The following SYMPK variants were observed in gnomAD, a reference collection of about 807,000 sequenced individuals.
SYMPK encodes symplekin scaffold protein.
A neutral mutation model predicts 136.4 loss-of-function variants in SYMPK; 49 were observed. The ratio of observed to expected loss-of-function variants is 0.36; its 90% CI spans 0.29 to 0.46. SYMPK has a LOEUF of 0.46. SYMPK is among the 20% of genes least tolerant of loss of function. SYMPK has a pLI of 1.00. For missense variants in SYMPK, 1,365 were observed against 1,690.0 expected, an observed-to-expected ratio of 0.81 and a Z score of 3.37; for synonymous variants, 766 against 713.0, an observed-to-expected ratio of 1.07 and a Z score of -1.19.
chr19:45,818,385 A>C (rs541226081), intron 22 of SYMPK, among the ~76,000 whole-genome samples: 1 of 152,306 alleles, frequency 6.6e-6, no homozygotes, highest in East Asian at 1.9e-4. Flanking sequence ...GGAAGCCCCA[A>C]AATGGGTGGA....
intron 1 of SYMPK, among the ~76,000 whole-genome samples, chr19:45,861,075 G>C (rs1159337014): frequency 6.6e-6 from 1 of 152,116 alleles, no homozygotes; most frequent in Non-Finnish European, 1.5e-5. Flanking sequence ...AACCGGCATG[G>C]CATGCCGTCC....
At chr19:45,838,658 C>A in intron 9 of SYMPK, 43 bp from the exon 10 acceptor site, 2 of 1,583,758 alleles carry the variant, frequency 1.3e-6, no homozygotes, top group Non-Finnish European at 1.7e-6. Context: ...ATAGAGAGAG[C>A]TGCAGGCCCT....
chr19:45,823,267 G>A lies in SYMPK; in HGVS notation c.2700+105C>T, dbSNP rs1305284421. ...ACAGGCAAGGTGCCTTCTGCCCTCTGCTATGTGCCTCTGGCTCAACTGCTG... is the reference window on the plus strand; with the variant it reads ...ACAGGCAAGGTGCCTTCTGCCCTCTACTATGTGCCTCTGGCTCAACTGCTG... On this transcript the variant is annotated intron_variant, in intron 20 of 26. Coordinates refer to ENST00000245934, the MANE Select transcript of SYMPK (RefSeq NM_004819.3). The A allele has an allele frequency of 1.0e-5, 12 of 1,158,638 alleles. No individual in the cohort carries two copies. The South Asian group carries it at 1.3e-4, about 12-fold the overall frequency. 71.8% of individuals were successfully genotyped at this position (1,158,638 alleles called of 1,614,324 possible).
At chr19:45,834,287 C>CA (rs1041025819) in intron 11 of SYMPK, among the ~76,000 whole-genome samples, 7 of 150,726 alleles carry the variant, frequency 4.6e-5, no homozygotes, top group Admixed American at 4.6e-4. Context: ...GACTGTGTCT[C>CA]AAAAAACAAA....
At chr19:45,834,540 G>T (rs1971259831) in intron 11 of SYMPK, among the ~76,000 whole-genome samples, 1 of 151,080 alleles carries the variant, frequency 6.6e-6, no homozygotes, top group Non-Finnish European at 1.5e-5. Flanking sequence ...AAACATAAAT[G>T]AATTTCATGT....
At chr19:45,842,618 A>G in intron 8 of SYMPK, 129 bp from the exon 9 acceptor site, 6 of 1,342,238 alleles carry the variant, frequency 4.5e-6, no homozygotes, top group Non-Finnish European at 6.1e-6. Flanking sequence ...TCACCCTCAG[A>G]TCTAACGTGT....
In SYMPK at chr19:45,816,527, C is replaced by A; in HGVS notation, c.3309G>T (p.Lys1103Asn). 1.2e-6 allele frequency: 2 copies of A among 1,613,740 alleles called. No individual in the cohort carries two copies. Among genetic ancestry groups the A allele is most frequent in the South Asian group, 2.2e-5 (2 of 91,080 alleles). ...GCGCCTCCTTGGCCTCTGGCTCCTG[C>A]TTGCCGCTGGCCTCCAAGATGGTCA... ...SIMTILEASGKQEPEAKEAPA... is the reference protein window; with the variant it reads ...SIMTILEASGNQEPEAKEAPA... The change falls in exon 25 of 27, where the codon AAG becomes AAT. Residue 1103 changes from lysine to asparagine, a missense_variant. Transcript: ENST00000245934.
intron 1 of SYMPK, among the ~76,000 whole-genome samples, chr19:45,857,283 G>A (rs375873742): frequency 1.3e-5 from 2 of 148,960 alleles, no homozygotes; most frequent in South Asian, 2.2e-4. Flanking sequence ...GGTGGCGGGC[G>A]CCTGTATTCC....
At position 45,816,062 on chromosome 19, in the gene SYMPK, A is replaced by G; in HGVS notation, c.3476T>C (p.Leu1159Pro). Residue 1159 changes from leucine to proline, a missense_variant, in exon 26 of 27, where the codon CTG becomes CCG. Leu to Pro is a moderately conservative substitution (Grantham distance 98). Around this residue, in one of 11 missense-constraint regions of SYMPK, gnomAD observed 341 missense variants for 270.5 expected, o/e 1.26. Transcript: ENST00000245934. ...GGGGGCTCCCACTCCTCCCGGCTTC[A>G]GCTTCTGTTCCTCCTCCAGCTGCCG... Reference protein sequence around the residue: ...LKRQLEEEQKLKPGGVGAPSS... With the variant: ...LKRQLEEEQKPKPGGVGAPSS... 1 of 1,563,210 alleles carries G rather than the reference A, an allele frequency of 6.4e-7. No individual in the cohort carries two copies.
At chr19:45,817,870 C>T (rs2146297446) in intron 23 of SYMPK, 89 bp downstream of exon 23, 1 of 1,360,628 alleles carries the variant, frequency 7.3e-7, no homozygotes, top group East Asian at 2.5e-5. Context: ...CACCGGGCTC[C>T]CTCCGGGGTC....
At position 45,827,578 on chromosome 19, in the gene SYMPK, T is replaced by G. The variant is rs1166402265; in HGVS notation, c.2113A>C (p.Lys705Gln). The change falls in exon 16 of 27, where the codon AAG becomes CAG. Residue 705 changes from lysine (K) to glutamine (Q), a missense_variant. By Grantham distance (53) the Lys-to-Gln change is moderately conservative (BLOSUM62 1). Around this residue, in one of 11 missense-constraint regions of SYMPK, gnomAD observed 303 missense variants for 326.6 expected, o/e 0.93. Coordinates refer to ENST00000245934, the MANE Select transcript of SYMPK (RefSeq NM_004819.3). ...GMSTLRDLIF[K>Q]RPSRQFQYLH... ...TACTGGAACTGGCGGGACGGGCGCT[T>G]GAAGATCAGGTCTCGAAGTGTGGAC... The G allele has an allele frequency of 1.9e-6, 3 of 1,614,042 alleles. No individual in the cohort carries two copies. The Admixed American group carries it at 5.0e-5, about 27-fold the overall frequency.
intron 1 of SYMPK, chr19:45,854,875 C>CTTTTTTT: frequency 1.2e-5 from 2 of 167,640 alleles, no homozygotes; most frequent in South Asian, 1.2e-4. Flanking sequence ...CCACAGCAAA[C>CTTTTTTT]TTTCTTTTTT....
chr19:45,823,906 A>G, intron 18 of SYMPK, 31 bp from the exon 19 acceptor site: 1 of 1,570,652 alleles, frequency 6.4e-7, no homozygotes, highest in Non-Finnish European at 8.7e-7. Flanking sequence ...GACCAGACCC[A>G]GGGTGAGAGC....
rs1480475313 is a variant in SYMPK, at chr19:45,821,294, G to T, written c.2893+90C>A. On this transcript the variant is annotated intron_variant, in intron 22 of 26. Coordinates refer to ENST00000245934, the MANE Select transcript of SYMPK (RefSeq NM_004819.3). The surrounding 1 kb of genome is among the most constrained non-coding windows in gnomAD (Gnocchi z 4.4). ...GGCTGTGAGTGACAGTCTTTGACTT[G>T]GCAGATTCCAGTGGGGGCATGTGGG... 2.1e-6 allele frequency: 2 copies of T among 968,208 alleles called. No individual in the cohort carries two copies. The highest frequency in any genetic ancestry group is 1.7e-6 in the Non-Finnish European group (1 of 601,222). The allele number at this position is 968,208 out of a possible 1,614,324, so 60.0% of individuals were successfully genotyped here. A position where few individuals can be genotyped will look rare whatever the true frequency, so the allele number is the denominator to read the frequency against.
intron 25 of SYMPK, 127 bp downstream of exon 25, chr19:45,816,355 C>T (rs962150552): frequency 3.8e-6 from 5 of 1,324,494 alleles, no homozygotes; most frequent in African/African-American, 1.5e-5. Context: ...CCCTGGGAGA[C>T]GGGTGGCCCA....
intron 14 of SYMPK, chr19:45,828,595 T>G: frequency 1.3e-5 from 3 of 234,106 alleles, no homozygotes; most frequent in Non-Finnish European, 2.5e-5. Context: ...AGGCCACGGA[T>G]AGGGAGGAAG....
rs752160912 is a variant in SYMPK at position 45,830,220 on chromosome 19, G to C, written c.1599-16C>G. Reference sequence around the variant, plus strand: ...GCCTGCCAGCCTGTGTGGAAGAGCAGTGACAGAGATGCAGTGACCCAGACT... The same window carrying C: ...GCCTGCCAGCCTGTGTGGAAGAGCACTGACAGAGATGCAGTGACCCAGACT... On this transcript the variant is annotated splice_polypyrimidine_tract_variant and intron_variant, in intron 12 of 26. Transcript: ENST00000245934. 8 of 1,606,672 alleles carry C rather than the reference G, an allele frequency of 5.0e-6. No homozygotes were observed. In the African/African-American group the frequency reaches 8.0e-5, roughly 16 times the overall value.
At chr19:45,851,777 G>C (rs1173829140) in intron 5 of SYMPK, among the ~76,000 whole-genome samples, 1 of 152,170 alleles carries the variant, frequency 6.6e-6, no homozygotes. Context: ...GGGAGGCTGA[G>C]GCAGGAGAAT....
At chr19:45,833,807 C>G (rs767713719) in intron 11 of SYMPK, among the ~76,000 whole-genome samples, 4 of 152,188 alleles carry the variant, frequency 2.6e-5, no homozygotes, top group Non-Finnish European at 4.4e-5. Context: ...CACACCTGAC[C>G]TCGTGTGGAT....
Sources: allele counts gnomAD v4.1 joint callset (sites outside exome capture counted in the v4.1 genomes callset), GRCh38; gene constraint gnomAD v4.1.1; regional missense constraint gnomAD v4.1.1; non-coding constraint Gnocchi (gnomAD v3.1); transcripts MANE v1.5; gene names NCBI Gene and HGNC (gene_info 2026-07-23, HGNC 2026-07-21).